The following PPP6R2 variants were observed in gnomAD, a reference collection of about 807,000 sequenced individuals.
PPP6R2 encodes the protein serine/threonine-protein phosphatase 6 regulatory subunit 2.
A neutral mutation model predicts 100.2 loss-of-function variants in PPP6R2; 62 were observed. The observed-to-expected ratio is 0.62, with a 90% CI of 0.50 to 0.76. The LOEUF (loss-of-function observed/expected upper bound fraction) is 0.76. PPP6R2 is among the 30% of genes least tolerant of loss of function. The pLI is 0.00. For missense variants in PPP6R2, 1,142 were observed against 1,276.3 expected (o/e 0.89, Z 1.60); for synonymous variants, 525 against 514.7 (o/e 1.02, Z -0.27).
intron 1 of PPP6R2, among the ~76,000 whole-genome samples, chr22:50,343,757 A>G (rs540501731): frequency 1.4e-5 from 1 of 69,392 alleles, no homozygotes; most frequent in African/African-American, 6.1e-5. Context: ...GTTCCCCCCC[A>G]GTTAGTGCAC....
At chr22:50,346,831 CCAGT>C (rs1051552972) in intron 1 of PPP6R2, among the ~76,000 whole-genome samples, 67 of 147,146 alleles carry the variant, frequency 4.6e-4, no homozygotes, top group Non-Finnish European at 7.5e-4. Flanking sequence ...CAGTGCCCCC[CCAGT>C]CAATTATTTT....
intron 1 of PPP6R2, among the ~76,000 whole-genome samples, chr22:50,355,277 G>C (rs1168847678): frequency 6.9e-6 from 1 of 144,900 alleles, no homozygotes; most frequent in East Asian, 2.0e-4. Context: ...TCGCTCTGTA[G>C]CCTAGGCTGG....
At chr22:50,337,416 G>A in the PPP6R2 span, among the ~76,000 whole-genome samples, 1 of 143,968 alleles carries the variant, frequency 6.9e-6, no homozygotes, top group Non-Finnish European at 1.5e-5. Context: ...GATGTGTGGT[G>A]TGTGTGGGGT....
intron 2 of PPP6R2, 126 bp from the exon 3 acceptor site, chr22:50,393,766 TG>T: frequency 6.7e-7 from 1 of 1,499,904 alleles, no homozygotes. Context: ...TTCCAGGACT[TG>T]GGTCTAGTGT....
At chr22:50,390,296 T>C (rs1050962430) in intron 2 of PPP6R2, among the ~76,000 whole-genome samples, 1 of 152,068 alleles carries the variant, frequency 6.6e-6, no homozygotes, top group Non-Finnish European at 1.5e-5. Flanking sequence ...CCAGCCCATA[T>C]GCCGTTTTTC....
chr22:50,409,102 G>A (rs756961288), intron 4 of PPP6R2, among the ~76,000 whole-genome samples: 4 of 152,158 alleles, frequency 2.6e-5, no homozygotes, highest in Non-Finnish European at 5.9e-5. Flanking sequence ...CAACAAGAGC[G>A]AAACTTTCCA....
chr22:50,338,343 TGTGTGTGGTATATG>T (rs957220398), upstream of PPP6R2, among the ~76,000 whole-genome samples: 5 of 144,668 alleles, frequency 3.5e-5, no homozygotes, highest in South Asian at 4.4e-4. Flanking sequence ...GTATATGTAG[TGTGTGTGGTATATG>T]GTGTGTGGTG....
chr22:50,444,321 A>G lies in PPP6R2; in HGVS notation c.*74A>G. ...ATCGAGAAAACTACCTGGTGATGCA[A>G]TCTTTTTTTTTTTTAATTTAATTTA... On this transcript the variant is annotated 3_prime_UTR_variant, in exon 24 of 24. Transcript: ENST00000612753. The G allele has an allele frequency of 7.1e-7, 1 of 1,400,616 alleles. No homozygotes were observed. The highest frequency in any genetic ancestry group is 9.4e-7 in the Non-Finnish European group (1 of 1,059,030). The allele number at this position is 1,400,616 out of a possible 1,614,324, so 86.8% of individuals were successfully genotyped here.
Position 50,423,844 on chromosome 22 carries a change from T to C in PPP6R2, c.1125+230T>C, listed in dbSNP as rs1200878963. Among the ~76,000 whole-genome samples, 1 of 152,162 alleles carries C rather than the reference T, an allele frequency of 6.6e-6. No individual in the cohort carries two copies. Among genetic ancestry groups the C allele is most frequent in the Non-Finnish European group, 1.5e-5 (1 of 68,038 alleles). ...GGGAAGTGACGAGTCTACCGTAGAA[T>C]TGCCCTGAAAGCAGAAGGCGGATTT... On this transcript the variant is annotated intron_variant, in intron 10 of 23. Coordinates refer to ENST00000612753, the MANE Select transcript of PPP6R2 (RefSeq NM_001242898.2). The surrounding 1 kb of genome is among the most constrained non-coding windows in gnomAD (Gnocchi z 4.8).
chr22:50,338,583 G>C, upstream of PPP6R2, among the ~76,000 whole-genome samples: 1 of 146,358 alleles, frequency 6.8e-6, no homozygotes, highest in East Asian at 2.1e-4. Context: ...GGTGTGGTGT[G>C]TGTTTGTGGT....
At position 50,343,481 on chromosome 22, in the gene PPP6R2, G is replaced by A. The variant is rs1203716233; in HGVS notation, c.-217G>A. The A allele has an allele frequency of 6.6e-6, 1 of 151,412 alleles. No homozygotes were observed. The highest frequency in any genetic ancestry group is 2.4e-5 in the African/African-American group (1 of 41,270). 9.4% of individuals were successfully genotyped at this position (151,412 alleles called of 1,614,324 possible). ...CCGCCCGGGCTTTGCCTCCACCAGC[G>A]CCCTGGCCTCCGCTCGGGCCTCCAC... is the stretch of plus-strand genomic sequence containing the variant. On this transcript the variant is annotated 5_prime_UTR_variant, in exon 1 of 24. Coordinates refer to ENST00000612753, the MANE Select transcript of PPP6R2 (RefSeq NM_001242898.2).
the PPP6R2 span, among the ~76,000 whole-genome samples, chr22:50,332,772 C>T: frequency 1.1e-3 from 166 of 151,552 alleles, no homozygotes; most frequent in South Asian, 0.015. Flanking sequence ...TACAGGCACG[C>T]ACCACCACGC....
At chr22:50,398,787 T>C (rs1348280970) in intron 3 of PPP6R2, among the ~76,000 whole-genome samples, 2 of 152,166 alleles carry the variant, frequency 1.3e-5, no homozygotes, top group African/African-American at 2.4e-5. Context: ...AGTGCTAGGA[T>C]AGTGCTAAGA....
At chr22:50,440,320 G>A (rs1236222180) in intron 21 of PPP6R2, among the ~76,000 whole-genome samples, 1 of 152,228 alleles carries the variant, frequency 6.6e-6, no homozygotes, top group Non-Finnish European at 1.5e-5. Flanking sequence ...CTGGATTCCG[G>A]ACAGCAGCAC....
chr22:50,332,332 C>T, the PPP6R2 span, among the ~76,000 whole-genome samples: 1 of 151,390 alleles, frequency 6.6e-6, no homozygotes, highest in Admixed American at 6.6e-5. Context: ...GGTTCACCCC[C>T]CCATTCTTCT....
intron 15 of PPP6R2, among the ~76,000 whole-genome samples, 167 bp downstream of exon 15, chr22:50,437,235 G>A (rs2064520606): frequency 6.6e-6 from 1 of 152,234 alleles, no homozygotes; most frequent in Admixed American, 6.5e-5. Flanking sequence ...GAACCCCAAA[G>A]TCACTCCACC....
At chr22:50,421,154 A>G (rs2061282879) in intron 8 of PPP6R2, among the ~76,000 whole-genome samples, 1 of 152,172 alleles carries the variant, frequency 6.6e-6, no homozygotes, top group South Asian at 2.1e-4. Flanking sequence ...TTTATTAACC[A>G]GAAGTAGTGT....
At chr22:50,400,145 C>T (rs564805899) in intron 3 of PPP6R2, among the ~76,000 whole-genome samples, 43 of 152,288 alleles carry the variant, frequency 2.8e-4, no homozygotes, top group African/African-American at 1.0e-3. Flanking sequence ...CACCCCCTGC[C>T]GCAGAGAGAC....
intron 22 of PPP6R2, chr22:50,443,450 AC>A (rs934681078): frequency 1.5e-4 from 25 of 166,546 alleles, no homozygotes; most frequent in Non-Finnish European, 2.8e-4. Context: ...GGGGTGCCCG[AC>A]CCCCTCCAGA....
Sources: allele counts gnomAD v4.1 joint callset (sites outside exome capture counted in the v4.1 genomes callset), GRCh38; gene constraint gnomAD v4.1.1; non-coding constraint Gnocchi (gnomAD v3.1); transcripts MANE v1.5; gene names NCBI Gene and HGNC (gene_info 2026-07-23, HGNC 2026-07-21).